SYT9: variants seen among roughly 807,000 people sequenced by gnomAD.
SYT9 encodes synaptotagmin 9.
In SYT9, 22 loss-of-function variants were observed where a neutral mutation model predicts 48.4. The ratio of observed to expected loss-of-function variants is 0.45; its 90% CI spans 0.32 to 0.65. The LOEUF is 0.65. SYT9 is among the 30% of genes least tolerant of loss of function. The pLI is 0.03. For synonymous variants in SYT9, 265 were observed against 245.0 expected (o/e 1.08, Z -0.76); for missense variants, 577 against 622.0 (o/e 0.93, Z 0.77).
At chr11:7,353,236 C>T (rs1849950762) in intron 3 of SYT9, among the ~76,000 whole-genome samples, 1 of 152,022 alleles carries the variant, frequency 6.6e-6, no homozygotes, top group South Asian at 2.1e-4. Context: ...TTTTTTTCTT[C>T]CTAGCTCTGG....
chr11:7,412,401 G>A (rs1847153111), intron 3 of SYT9, among the ~76,000 whole-genome samples: 1 of 152,302 alleles, frequency 6.6e-6, no homozygotes, highest in African/African-American at 2.4e-5. Flanking sequence ...CTTTGATTTT[G>A]GATGCAAGCA....
At chr11:7,432,822 G>C (rs1847633780) in intron 6 of SYT9, among the ~76,000 whole-genome samples, 1 of 151,548 alleles carries the variant, frequency 6.6e-6, no homozygotes, top group African/African-American at 2.4e-5. Flanking sequence ...CCTTGTCTCA[G>C]ATGAGACTTT....
chr11:7,251,132 A>ACAAACC, upstream of SYT9, among the ~76,000 whole-genome samples: 1 of 127,960 alleles, frequency 7.8e-6, no homozygotes, highest in South Asian at 3.0e-4. Flanking sequence ...ACACACACAC[A>ACAAACC]CCCAGAGTAC....
At chr11:7,407,863 T>TCTATC (rs908785889) in intron 3 of SYT9, among the ~76,000 whole-genome samples, 30 of 152,346 alleles carry the variant, frequency 2.0e-4, no homozygotes, top group African/African-American at 6.5e-4. Context: ...TTCTGTACTA[T>TCTATC]CTATCCTGTT....
In SYT9 at chr11:7,430,372, T is replaced by C. The variant is rs916971499; in HGVS notation, c.1467+9737T>C. On this transcript the variant is annotated intron_variant, in intron 6 of 6. Transcript: ENST00000318881. ...AATGCAATTGTAACTTTTAGGTATA[T>C]GGTACACTATGATGAGTTATACTCA... Among the ~76,000 whole-genome samples the C allele has an allele frequency of 3.9e-5, 6 of 152,198 alleles. No homozygotes were observed. The South Asian group carries it at 6.2e-4, about 16-fold the overall frequency.
intron 3 of SYT9, among the ~76,000 whole-genome samples, chr11:7,414,262 T>C (rs951219957): frequency 5.9e-5 from 9 of 152,208 alleles, no homozygotes; most frequent in Non-Finnish European, 1.3e-4. Flanking sequence ...CTGTATTTAC[T>C]TTGCCAAACC....
chr11:7,400,753 T>C (rs924173658), intron 3 of SYT9, among the ~76,000 whole-genome samples: 3 of 152,176 alleles, frequency 2.0e-5, no homozygotes, highest in African/African-American at 7.2e-5. Flanking sequence ...GCAGAATGCC[T>C]CCTCATCCCG....
intron 3 of SYT9, among the ~76,000 whole-genome samples, chr11:7,323,476 TA>T (rs1439980937): frequency 6.6e-6 from 1 of 152,072 alleles, no homozygotes. Flanking sequence ...TTGCTTGTTT[TA>T]TTACATTTAT....
At chr11:7,399,209 T>C (rs1224094400) in intron 3 of SYT9, among the ~76,000 whole-genome samples, 2 of 152,174 alleles carry the variant, frequency 1.3e-5, no homozygotes, top group African/African-American at 4.8e-5. Context: ...CAGAAGAGTA[T>C]GGTGTTGGAA....
intron 3 of SYT9, among the ~76,000 whole-genome samples, chr11:7,334,633 A>AAT (rs1849601685): frequency 6.6e-6 from 1 of 151,920 alleles, no homozygotes; most frequent in Middle Eastern, 3.2e-3. Flanking sequence ...TCCTGCCTCC[A>AAT]CTCCCTGCCA....
At chr11:7,286,989 G>A (rs1848607866) in intron 1 of SYT9, among the ~76,000 whole-genome samples, 1 of 152,082 alleles carries the variant, frequency 6.6e-6, no homozygotes, top group Non-Finnish European at 1.5e-5. Context: ...TTCCAAAGTC[G>A]CTTTTATATT....
intron 3 of SYT9, among the ~76,000 whole-genome samples, chr11:7,392,462 A>G (rs988835437): frequency 3.3e-5 from 5 of 152,102 alleles, no homozygotes; most frequent in African/African-American, 1.2e-4. Context: ...AATGGTCTGT[A>G]TGTCTATTGT....
rs142000557 is a variant in SYT9, at chr11:7,452,118, AAC to A, written c.1468-14645_1468-14644del. ...AGCATTAATAGAGGTTTATATTTAA[AAC>A]ACACACACACACACACACACACACA... On this transcript the variant is annotated intron_variant, in intron 6 of 6. Transcript: ENST00000318881. 4.1e-3 allele frequency among the ~76,000 whole-genome samples: 610 copies of A among 147,262 alleles called. 5 individuals carry two copies. The highest frequency in any genetic ancestry group is 7.0e-3 in the Middle Eastern group (2 of 284).
intron 3 of SYT9, among the ~76,000 whole-genome samples, chr11:7,401,972 T>G (rs1846902920): frequency 1.3e-5 from 2 of 151,990 alleles, no homozygotes; most frequent in African/African-American, 4.8e-5. Flanking sequence ...ACATAAGCAT[T>G]TACCGCTATA....
At chr11:7,332,333 G>T (rs1372707163) in intron 3 of SYT9, among the ~76,000 whole-genome samples, 1 of 152,234 alleles carries the variant, frequency 6.6e-6, no homozygotes, top group Non-Finnish European at 1.5e-5. Context: ...TCATTTTCAA[G>T]ATGGTTCCCA....
chr11:7,385,043 C>A (rs1850631551), intron 3 of SYT9, among the ~76,000 whole-genome samples: 1 of 152,088 alleles, frequency 6.6e-6, no homozygotes, highest in Admixed American at 6.6e-5. Context: ...ATTTAACTCC[C>A]CACTACTTAA....
chr11:7,268,124 C>T (rs1354665407), intron 1 of SYT9, among the ~76,000 whole-genome samples: 1 of 151,796 alleles, frequency 6.6e-6, no homozygotes, highest in Non-Finnish European at 1.5e-5. Flanking sequence ...CTACATCAGC[C>T]CTCTTATTTG....
chr11:7,387,533 T>C (rs1212246279), intron 3 of SYT9, among the ~76,000 whole-genome samples: 1 of 152,196 alleles, frequency 6.6e-6, no homozygotes, highest in East Asian at 1.9e-4. Context: ...AATGAATTCT[T>C]TGTGCCAAAA....
chr11:7,286,330 A>G (rs970223538), intron 1 of SYT9, among the ~76,000 whole-genome samples: 1 of 152,228 alleles, frequency 6.6e-6, no homozygotes, highest in African/African-American at 2.4e-5. Flanking sequence ...GTCCTGAGCT[A>G]TACCTTGGCC....
Sources: gnomAD v4.1 joint callset for allele counts (sites outside exome capture counted in the v4.1 genomes callset) on GRCh38, gnomAD v4.1.1 for gene constraint, MANE v1.5 for transcripts, NCBI Gene and HGNC (gene_info 2026-07-23, HGNC 2026-07-21) for gene names.